The following DCC variants were observed in gnomAD, a reference collection of about 807,000 sequenced individuals.
DCC encodes netrin receptor DCC.
In DCC, 58 loss-of-function variants were observed where a neutral mutation model predicts 172.5. The ratio of observed to expected loss-of-function variants is 0.34; its 90% confidence interval spans 0.27 to 0.42. The LOEUF (loss-of-function observed/expected upper bound fraction) is 0.42, where lower values mean the gene tolerates loss of function less well. Among genes scored for constraint, DCC ranks in the 10% least tolerant of loss-of-function variants. DCC has a pLI of 1.00. For missense variants in DCC, 1,740 were observed against 1,791.0 expected, an observed-to-expected ratio of 0.97 and a Z score of 0.51; for synonymous variants, 709 against 644.5, an observed-to-expected ratio of 1.10 and a Z score of -1.52.
chr18:52,546,270 T>C (rs1411683118), intron 1 of DCC, among the ~76,000 whole-genome samples: 1 of 151,968 alleles, frequency 6.6e-6, no homozygotes, highest in Non-Finnish European at 1.5e-5. Context: ...ATAGGAGTGG[T>C]GTTGATGGGG....
rs111835686 is a variant in DCC, at chr18:53,169,025, G to A, written c.1419-9937G>A. 9.3e-3 allele frequency among the ~76,000 whole-genome samples: 1,412 copies of A among 152,326 alleles called. 23 individuals carry two copies. Among genetic ancestry groups the A allele is most frequent in the African/African-American group, 0.032 (1,318 of 41,580 alleles). On this transcript the variant is annotated intron_variant, in intron 8 of 28. Transcript: ENST00000442544. ...TGCTAGAAAAAGCTATTATTATAATGCAATACATTTAAGTACCAACTAAAT... is the reference window on the plus strand; with the variant it reads ...TGCTAGAAAAAGCTATTATTATAATACAATACATTTAAGTACCAACTAAAT...
chr18:52,723,794 T>C (rs1284806996), intron 1 of DCC, among the ~76,000 whole-genome samples: 1 of 152,092 alleles, frequency 6.6e-6, no homozygotes, highest in Non-Finnish European at 1.5e-5. Context: ...AAGGCAATGC[T>C]GAAAACCCAA....
intron 5 of DCC, among the ~76,000 whole-genome samples, chr18:52,970,043 A>T (rs1209647842): frequency 6.6e-6 from 1 of 152,152 alleles, no homozygotes; most frequent in Non-Finnish European, 1.5e-5. Flanking sequence ...ATTACTTAAT[A>T]AAGAATTATG....
intron 1 of DCC, chr18:52,419,152 C>T (rs1023077292): frequency 6.6e-6 from 1 of 152,266 alleles, no homozygotes; most frequent in Non-Finnish European, 1.5e-5. Context: ...AGCCCCGGCG[C>T]CCAGTGGATT....
intron 1 of DCC, among the ~76,000 whole-genome samples, chr18:52,347,211 GT>G (rs753239564): frequency 6.6e-6 from 1 of 152,070 alleles, no homozygotes; most frequent in Non-Finnish European, 1.5e-5. Context: ...TTAAATCTGT[GT>G]TTACATTTTG....
chr18:52,931,540 GAA>G (rs763730332), intron 5 of DCC, among the ~76,000 whole-genome samples: 25 of 152,144 alleles, frequency 1.6e-4, no homozygotes, highest in Non-Finnish European at 2.9e-4. Context: ...TAGACTAGAA[GAA>G]AAGACATTTT....
chr18:52,932,723 G>C (rs2040325020), intron 5 of DCC, among the ~76,000 whole-genome samples: 1 of 151,982 alleles, frequency 6.6e-6, no homozygotes, highest in Non-Finnish European at 1.5e-5. Flanking sequence ...GCCTGAAGAT[G>C]ATAGACTCAG....
intron 11 of DCC, among the ~76,000 whole-genome samples, chr18:53,208,761 G>A (rs969173502): frequency 9.2e-5 from 14 of 151,914 alleles, no homozygotes; most frequent in Admixed American, 5.3e-4. Flanking sequence ...ACGGAGTCTC[G>A]CTCTGTCACC....
At chr18:53,205,680 G>A (rs1215682562) in intron 10 of DCC, among the ~76,000 whole-genome samples, 1 of 152,262 alleles carries the variant, frequency 6.6e-6, no homozygotes, top group Admixed American at 6.5e-5. Context: ...GGTCGTGGAA[G>A]GCATTTGCAG....
intron 7 of DCC, among the ~76,000 whole-genome samples, chr18:53,096,908 A>G (rs1479581709): frequency 6.6e-6 from 1 of 152,184 alleles, no homozygotes; most frequent in Non-Finnish European, 1.5e-5. Context: ...AGAGTGGTAC[A>G]TTTTACACAA....
intron 20 of DCC, among the ~76,000 whole-genome samples, 177 bp from the exon 21 acceptor site, chr18:53,415,947 C>A (rs1275315894): frequency 4.6e-5 from 7 of 151,586 alleles, no homozygotes; most frequent in Non-Finnish European, 2.9e-5. Flanking sequence ...AATTTTTTTT[C>A]TCTGAATACT....
Position 52,826,472 on chromosome 18 carries a change from C to A in DCC, c.412+74098C>A, listed in dbSNP as rs531467500. 2.0e-5 allele frequency among the ~76,000 whole-genome samples: 3 copies of A among 151,906 alleles called. No homozygotes were observed. The East Asian group carries it at 5.8e-4, about 29-fold the overall frequency. ...AGAGAAGAGGGAACATTCTAAATTT[C>A]TTCCATTCTCTTTTTTTTTAATGGG... On this transcript the variant is annotated intron_variant, in intron 2 of 28. Transcript: ENST00000442544.
At chr18:53,294,838 A>G (rs2057047490) in intron 12 of DCC, among the ~76,000 whole-genome samples, 1 of 152,202 alleles carries the variant, frequency 6.6e-6, no homozygotes, top group East Asian at 1.9e-4. Flanking sequence ...CTTAATCTCT[A>G]GGTAAGAGTT....
intron 1 of DCC, among the ~76,000 whole-genome samples, chr18:52,550,347 T>TAA (rs569685382): frequency 7.3e-5 from 11 of 150,658 alleles, no homozygotes; most frequent in African/African-American, 2.4e-4. Flanking sequence ...AGAAAAGAGA[T>TAA]TAAAAAAAAC....
intron 26 of DCC, among the ~76,000 whole-genome samples, chr18:53,497,283 A>T (rs1164227299): frequency 1.3e-5 from 2 of 152,222 alleles, no homozygotes; most frequent in Non-Finnish European, 2.9e-5. Flanking sequence ...TTTCTGATGA[A>T]TAATTTTCTC....
intron 14 of DCC, 65 bp from the exon 15 acceptor site, chr18:53,339,648 G>A (rs1052164101): frequency 1.7e-6 from 2 of 1,197,320 alleles, no homozygotes; most frequent in African/African-American, 3.0e-5. Context: ...TTGCTTAAAT[G>A]GTGTTCTGCC....
rs80139412 is a variant in DCC at position 53,244,657 on chromosome 18, C to T, written c.1911+29060C>T. ...TTCACTTATGTGCCTCTTATCTCCACGTGGCCTCTCCTTGAGGCTTGGACT... is the reference window on the plus strand; with the variant it reads ...TTCACTTATGTGCCTCTTATCTCCATGTGGCCTCTCCTTGAGGCTTGGACT... On this transcript the variant is annotated intron_variant, in intron 12 of 28. Coordinates refer to ENST00000442544, the MANE Select transcript of DCC (RefSeq NM_005215.4). Among the ~76,000 whole-genome samples the T allele has an allele frequency of 1.2e-4, 19 of 152,178 alleles. No individual in the cohort carries two copies. In the East Asian group the frequency reaches 3.3e-3, roughly 26 times the overall value.
chr18:52,723,661 A>G (rs4372779), intron 1 of DCC, among the ~76,000 whole-genome samples: 146,491 of 152,234 alleles, frequency 0.96, 70,722 homozygotes, highest in East Asian at 1. Context: ...TGGCTTTGGA[A>G]TGTTCTGTCT....
At chr18:52,860,816 G>A (rs147924677) in intron 2 of DCC, among the ~76,000 whole-genome samples, 3,313 of 152,084 alleles carry the variant, frequency 0.022, 53 homozygotes, top group Non-Finnish European at 0.025. Flanking sequence ...TGGCTAACAC[G>A]GTGGAACCCC....
Sources: allele counts gnomAD v4.1 joint callset (sites outside exome capture counted in the v4.1 genomes callset), GRCh38; gene constraint gnomAD v4.1.1; transcripts MANE v1.5; gene names NCBI Gene and HGNC (gene_info 2026-07-23, HGNC 2026-07-21).